Variants in COG5 observed in about 807,000 individuals in gnomAD.
COG5 encodes conserved oligomeric Golgi complex subunit 5.
COG5 carries 86 observed loss-of-function variants against 110.4 expected under a neutral mutation model. The ratio of observed to expected loss-of-function variants is 0.78; its 90% CI spans 0.65 to 0.93. COG5 has a LOEUF of 0.93. Ranked by LOEUF, COG5 falls within the 40% of genes least tolerant of loss-of-function variation. COG5 has a pLI of 0.00. For missense variants in COG5, 1,077 were observed against 987.0 expected, an observed-to-expected ratio of 1.09 and a Z score of -1.22; for synonymous variants, 360 against 334.6, an observed-to-expected ratio of 1.08 and a Z score of -0.83.
intron 6 of COG5, among the ~76,000 whole-genome samples, chr7:107,526,866 G>A (rs959713524): frequency 1.3e-5 from 2 of 152,164 alleles, no homozygotes; most frequent in Non-Finnish European, 2.9e-5. Context: ...AAGATCAGTG[G>A]CTGTCAGGAC....
intron 14 of COG5, among the ~76,000 whole-genome samples, chr7:107,260,190 CAACT>C (rs1014789161): frequency 3.3e-5 from 5 of 151,382 alleles, no homozygotes; most frequent in African/African-American, 7.3e-5. Flanking sequence ...AAATGTCAAC[CAACT>C]GACAAATAAA....
intron 7 of COG5, among the ~76,000 whole-genome samples, chr7:107,388,847 A>G (rs1584761675): frequency 1.3e-5 from 2 of 152,136 alleles, no homozygotes; most frequent in Non-Finnish European, 2.9e-5. Flanking sequence ...CTGGTACCAG[A>G]GATGAAGGAA....
chr7:107,288,750 T>C (rs1410149365), intron 12 of COG5, among the ~76,000 whole-genome samples: 4 of 151,806 alleles, frequency 2.6e-5, no homozygotes, highest in Non-Finnish European at 5.9e-5. Context: ...TTCCTAATGG[T>C]AATCCTTTGA....
chr7:107,533,351 C>T (rs937672340), intron 5 of COG5, among the ~76,000 whole-genome samples: 1 of 151,328 alleles, frequency 6.6e-6, no homozygotes, highest in Admixed American at 6.6e-5. Context: ...CTTCAGAAGG[C>T]GGGTAATAAC....
At chr7:107,351,464 CT>C (rs1381336088) in intron 10 of COG5, among the ~76,000 whole-genome samples, 1 of 152,140 alleles carries the variant, frequency 6.6e-6, no homozygotes, top group East Asian at 1.9e-4. Context: ...CAAATGGGAT[CT>C]AATTAAACTG....
chr7:107,429,111 A>G (rs1157153049), intron 6 of COG5, among the ~76,000 whole-genome samples: 1 of 152,250 alleles, frequency 6.6e-6, no homozygotes, highest in African/African-American at 2.4e-5. Flanking sequence ...ATACTAAGTA[A>G]CAGAATATTA....
chr7:107,543,354 A>G (rs973395361), intron 5 of COG5, among the ~76,000 whole-genome samples: 8 of 152,144 alleles, frequency 5.3e-5, no homozygotes, highest in African/African-American at 1.9e-4. Context: ...AAGAGAAGGA[A>G]TTGAGCACTG....
intron 8 of COG5, among the ~76,000 whole-genome samples, chr7:107,365,294 ACT>A (rs1813499663): frequency 6.6e-6 from 1 of 152,052 alleles, no homozygotes; most frequent in Non-Finnish European, 1.5e-5. Flanking sequence ...TCATTTTCTT[ACT>A]CTCTTCTCTT....
At chr7:107,427,981 G>A (rs1793764071) in intron 6 of COG5, among the ~76,000 whole-genome samples, 1 of 152,058 alleles carries the variant, frequency 6.6e-6, no homozygotes, top group South Asian at 2.1e-4. Flanking sequence ...GGCTCAGAAT[G>A]GGAAGTGCGT....
At chr7:107,400,863 T>C (rs1488174436) in intron 7 of COG5, among the ~76,000 whole-genome samples, 1 of 152,178 alleles carries the variant, frequency 6.6e-6, no homozygotes, top group African/African-American at 2.4e-5. Context: ...AGTCATACTT[T>C]ACATTTGGTG....
intron 5 of COG5, among the ~76,000 whole-genome samples, chr7:107,547,259 G>C (rs1802519621): frequency 6.6e-6 from 1 of 152,028 alleles, no homozygotes; most frequent in Non-Finnish European, 1.5e-5. Flanking sequence ...CTAACAGAAT[G>C]AAAGACAAAA....
intron 7 of COG5, among the ~76,000 whole-genome samples, chr7:107,411,509 A>C (rs1227750343): frequency 6.6e-6 from 1 of 152,182 alleles, no homozygotes. Context: ...AGAGAGGGTA[A>C]AGAAACTCTA....
Position 107,418,826 on chromosome 7 carries a change from G to C in COG5, c.539-6194C>G, listed in dbSNP as rs549003260. On this transcript the variant is annotated intron_variant, in intron 6 of 21. Coordinates refer to ENST00000297135, the MANE Select transcript of COG5 (RefSeq NM_006348.5). Reference sequence around the variant, plus strand: ...TCTTGCTCTGTCACCCCAGGCTGGAGTACAGTGGCACAATCACAGCTCACT... The same window carrying C: ...TCTTGCTCTGTCACCCCAGGCTGGACTACAGTGGCACAATCACAGCTCACT... 3.0e-3 allele frequency among the ~76,000 whole-genome samples: 458 copies of C among 151,876 alleles called. 5 individuals carry two copies. The highest frequency in any genetic ancestry group is 0.01 in the African/African-American group (432 of 41,364).
chr7:107,352,949 G>C (rs1409049122), intron 10 of COG5, among the ~76,000 whole-genome samples: 2 of 151,958 alleles, frequency 1.3e-5, no homozygotes, highest in Non-Finnish European at 2.9e-5. Flanking sequence ...TTAATAATTT[G>C]TCAATAATTT....
chr7:107,508,633 T>A (rs1356042090), intron 6 of COG5, among the ~76,000 whole-genome samples: 1 of 152,052 alleles, frequency 6.6e-6, no homozygotes. Flanking sequence ...CACCCCCCAG[T>A]AGGGGCACAC....
intron 6 of COG5, among the ~76,000 whole-genome samples, chr7:107,510,406 T>G (rs911491766): frequency 2.0e-4 from 30 of 152,168 alleles, no homozygotes; most frequent in Non-Finnish European, 2.8e-4. Context: ...AGCAAGTCCT[T>G]AGTGACCTAC....
intron 10 of COG5, among the ~76,000 whole-genome samples, chr7:107,344,516 G>A (rs1811434186): frequency 6.6e-6 from 1 of 152,068 alleles, no homozygotes; most frequent in South Asian, 2.1e-4. Context: ...CAATAAGATT[G>A]TTTTACTTTA....
At chr7:107,276,502 T>G (rs1322585225) in intron 14 of COG5, among the ~76,000 whole-genome samples, 1 of 152,102 alleles carries the variant, frequency 6.6e-6, no homozygotes, top group African/African-American at 2.4e-5. Context: ...AGACCCTCCA[T>G]CGCTACAAAA....
At chr7:107,371,022 A>AG (rs1814112569) in intron 8 of COG5, among the ~76,000 whole-genome samples, 2 of 152,014 alleles carry the variant, frequency 1.3e-5, no homozygotes, top group South Asian at 4.1e-4. Context: ...TGACGACACA[A>AG]GGGGGAATGA....
Sources: gnomAD v4.1 joint callset for allele counts (sites outside exome capture counted in the v4.1 genomes callset) on GRCh38, gnomAD v4.1.1 for gene constraint, MANE v1.5 for transcripts, NCBI Gene and HGNC (gene_info 2026-07-23, HGNC 2026-07-21) for gene names.